Variants in IRF2 observed in about 807,000 individuals in gnomAD.
IRF2 encodes the protein interferon regulatory factor 2.
In IRF2, 15 loss-of-function variants were observed where a neutral mutation model predicts 40.6. The observed-to-expected ratio is 0.37, with a 90% confidence interval of 0.25 to 0.57. The LOEUF is 0.57. Among genes scored for constraint, IRF2 ranks in the 20% least tolerant of loss-of-function variants. The probability of loss-of-function intolerance (pLI) is 0.77; values close to 1 mark genes in which losing one functional copy is unlikely to be tolerated. For synonymous variants in IRF2, 151 were observed against 165.5 expected (o/e 0.91, Z 0.67); for missense variants, 317 against 455.7 (o/e 0.70, Z 2.77).
chr4:184,428,519 C>T (rs192616373), intron 2 of IRF2, among the ~76,000 whole-genome samples: 222 of 152,262 alleles, frequency 1.5e-3, no homozygotes, highest in African/African-American at 5.0e-3. Context: ...CTTTTGTGAC[C>T]GGGTTCAGTG....
chr4:184,412,854 A>G (rs909217619), intron 5 of IRF2, among the ~76,000 whole-genome samples: 1 of 152,174 alleles, frequency 6.6e-6, no homozygotes, highest in Non-Finnish European at 1.5e-5. Flanking sequence ...TAGAGAAGGC[A>G]TCAGTTTCCA....
Position 184,403,968 on chromosome 4 carries a change from G to A in IRF2, c.529+4190C>T, listed in dbSNP as rs192751401. ...GAGAATTATAACAATATTATTTATG[G>A]CTGGTTACTGATGAACCGGTTTGCT... On this transcript the variant is annotated intron_variant, in intron 6 of 8. Transcript: ENST00000393593. Among the ~76,000 whole-genome samples the A allele has an allele frequency of 1.9e-3, 289 of 152,210 alleles. 1 individual carries two copies. The highest frequency in any genetic ancestry group is 6.5e-3 in the African/African-American group (269 of 41,510).
chr4:184,396,000 A>T (rs1473884400), intron 7 of IRF2, among the ~76,000 whole-genome samples: 1 of 152,248 alleles, frequency 6.6e-6, no homozygotes, highest in Non-Finnish European at 1.5e-5. Context: ...CTCAACAGAT[A>T]AACATAGAAG....
intron 7 of IRF2, among the ~76,000 whole-genome samples, 175 bp from the exon 8 acceptor site, chr4:184,390,924 C>T (rs922788266): frequency 1.3e-5 from 2 of 152,240 alleles, no homozygotes; most frequent in African/African-American, 4.8e-5. Context: ...CTGTAATCTT[C>T]GGAGAAACCA....
chr4:184,446,911 G>A (rs576444368), intron 1 of IRF2, among the ~76,000 whole-genome samples: 25 of 152,054 alleles, frequency 1.6e-4, no homozygotes, highest in African/African-American at 3.6e-4. Flanking sequence ...AGCCAAGATC[G>A]CGCCATTGCA....
rs1457111692 is a variant in IRF2 at position 184,419,521 on chromosome 4, C to T, written c.135G>A (p.Gly45=). 6.2e-7 allele frequency: 1 copy of T among 1,611,476 alleles called. No homozygotes were observed. The highest frequency in any genetic ancestry group is 1.7e-5 in the Admixed American group (1 of 59,648). The change falls in exon 3 of 9, where the codon GGG becomes GGA. Residue 45 remains glycine, a synonymous_variant. Coordinates refer to ENST00000393593, the MANE Select transcript of IRF2 (RefSeq NM_002199.4). ...QIPWMHAARH[G]WDVEKDAPLF... ...GTGGTGCATCTTTTTCCACATCCCA[C>T]CCATGTCTAGCCGCATGCATCCAGG...
intron 1 of IRF2, among the ~76,000 whole-genome samples, chr4:184,468,367 A>G (rs1739402648): frequency 6.6e-6 from 1 of 152,084 alleles, no homozygotes. Context: ...TATGCCTGTA[A>G]TCCCAGCTAC....
chr4:184,418,473 T>A, intron 4 of IRF2, 59 bp downstream of exon 4: 1 of 1,478,532 alleles, frequency 6.8e-7, no homozygotes, highest in Non-Finnish European at 9.4e-7. Flanking sequence ...AATGAAGAGA[T>A]CACGAAGGCA....
Position 184,388,387 on chromosome 4 carries a change from T to A in IRF2, c.*371A>T, listed in dbSNP as rs1736131527. The A allele has an allele frequency of 4.2e-6, 1 of 236,970 alleles. No homozygotes were observed. The allele number at this position is 236,970 out of a possible 1,614,324, so 14.7% of individuals were successfully genotyped here. A position where few individuals can be genotyped will look rare whatever the true frequency, so the allele number is the denominator to read the frequency against. ...TGCAATGTCGCTAGTGCTGCCTATG[T>A]ACATATTCACAAGAATAAAAAATTC... On this transcript the variant is annotated 3_prime_UTR_variant, in exon 9 of 9. Transcript: ENST00000393593. The surrounding 1 kb of genome is among the most constrained non-coding windows in gnomAD (Gnocchi z 4.6).
intron 1 of IRF2, among the ~76,000 whole-genome samples, chr4:184,469,574 C>T (rs187725903): frequency 1.5e-4 from 23 of 152,292 alleles, no homozygotes; most frequent in African/African-American, 5.5e-4. Flanking sequence ...ACTCAGGAGA[C>T]TGAGGCAGGA....
intron 1 of IRF2, among the ~76,000 whole-genome samples, chr4:184,463,972 A>G (rs1237908875): frequency 2.6e-5 from 4 of 152,202 alleles, no homozygotes; most frequent in Admixed American, 2.6e-4. Context: ...CACAGAAATG[A>G]ATAGAATATA....
chr4:184,399,352 T>C (rs977042626), intron 6 of IRF2, among the ~76,000 whole-genome samples: 11 of 152,156 alleles, frequency 7.2e-5, no homozygotes, highest in African/African-American at 2.4e-4. Context: ...CTCAGCAGAA[T>C]TCCACAGTCA....
rs1737271960 is a variant in IRF2, at chr4:184,416,333, AAAAAAAAAAACG to A, written c.411+1822_411+1833del. Among the ~76,000 whole-genome samples the A allele has an allele frequency of 2.0e-5, 3 of 146,900 alleles. No homozygotes were observed. In the Admixed American group the frequency reaches 2.1e-4, roughly 10 times the overall value. On this transcript the variant is annotated intron_variant, in intron 5 of 8. Transcript: ENST00000393593. Reference sequence around the variant, plus strand: ...ACCTTGTCTCAAAAAAAAAACAAAAAAAAAAAAAAACGAAAAAAAAAACTGTGAGAAACGATA... The same window carrying A: ...ACCTTGTCTCAAAAAAAAAACAAAAAAAAAAAAAAACTGTGAGAAACGATA...
intron 1 of IRF2, among the ~76,000 whole-genome samples, chr4:184,466,126 C>T (rs1027708243): frequency 2.0e-5 from 3 of 151,196 alleles, no homozygotes; most frequent in Non-Finnish European, 4.4e-5. Flanking sequence ...TCTCGGCTCA[C>T]TGCAACCTCC....
chr4:184,400,253 T>C (rs1445436282), intron 6 of IRF2, among the ~76,000 whole-genome samples: 13 of 152,238 alleles, frequency 8.5e-5, no homozygotes, highest in African/African-American at 2.4e-5. Context: ...TGGGCAACTA[T>C]TAATCTGTTC....
At chr4:184,456,826 T>C (rs959227589) in intron 1 of IRF2, among the ~76,000 whole-genome samples, 1 of 152,206 alleles carries the variant, frequency 6.6e-6, no homozygotes. Context: ...TACAACCGGT[T>C]CAAACACGGC....
chr4:184,421,459 G>C (rs985607759), intron 2 of IRF2, among the ~76,000 whole-genome samples: 1 of 152,020 alleles, frequency 6.6e-6, no homozygotes, highest in African/African-American at 2.4e-5. Flanking sequence ...GATGAAAATC[G>C]ACAGCAAAAT....
chr4:184,439,400 A>G (rs910859963), intron 1 of IRF2, among the ~76,000 whole-genome samples: 2 of 151,092 alleles, frequency 1.3e-5, no homozygotes, highest in Non-Finnish European at 2.9e-5. Context: ...AGAACCGGGA[A>G]TTTTTTTTAT....
chr4:184,404,210 C>T (rs1401729435), intron 6 of IRF2, among the ~76,000 whole-genome samples: 1 of 152,118 alleles, frequency 6.6e-6, no homozygotes, highest in Non-Finnish European at 1.5e-5. Flanking sequence ...CAGGTAGCTG[C>T]AGAGTCAAGA....
Sources: gnomAD v4.1 joint callset for allele counts (sites outside exome capture counted in the v4.1 genomes callset) on GRCh38, gnomAD v4.1.1 for gene constraint, Gnocchi (gnomAD v3.1) non-coding constraint, MANE v1.5 for transcripts, NCBI Gene and HGNC (gene_info 2026-07-23, HGNC 2026-07-21) for gene names.